The following ADGRD2 variants were observed in gnomAD, a reference collection of about 807,000 sequenced individuals.
ADGRD2 encodes G protein-coupled receptor PGR24.
Under a neutral mutation model 44.4 loss-of-function variants are expected in ADGRD2, and 71 were observed. The observed-to-expected ratio is 1.60, with a 90% CI of 1.32 to 1.95. The LOEUF (loss-of-function observed/expected upper bound fraction) is 1.95. ADGRD2 is among the 30% of genes most tolerant of loss of function. The pLI, the probability that ADGRD2 is intolerant of heterozygous loss-of-function variation, is 0.00. For missense variants in ADGRD2, 1,039 were observed against 512.4 expected, an observed-to-expected ratio of 2.03 and a Z score of -9.92; for synonymous variants, 481 against 224.8, an observed-to-expected ratio of 2.14 and a Z score of -10.19.
intron 21 of ADGRD2, chr9:124,477,171 G>A (rs1348133688): frequency 4.8e-6 from 2 of 417,594 alleles, no homozygotes; most frequent in Non-Finnish European, 9.8e-6. Flanking sequence ...CGGGTCACCA[G>A]CTGGACAGCT....
intron 6 of ADGRD2, 147 bp from the exon 10 acceptor site, chr9:124,456,475 C>G: frequency 1.6e-6 from 1 of 607,920 alleles, no homozygotes. Flanking sequence ...GGACCCAGGA[C>G]TTGATCCTAG....
chr9:124,461,740 ATTTGTTT>A (rs1831725617), intron 10 of ADGRD2, among the ~76,000 whole-genome samples: 3 of 144,266 alleles, frequency 2.1e-5, no homozygotes, highest in African/African-American at 7.8e-5. Flanking sequence ...TTTTTTTTTA[ATTTGTTT>A]TTTGTTTTTT....
rs776431357 is a variant in ADGRD2, at chr9:124,458,087, C to G, written c.1641-26C>G. ...GTGCTTGCCCAGCCACCGGGTGGTG[C>G]CTTGGTGCCCCTTCCTCTCAGCCAG... On this transcript the variant is annotated intron_variant, in intron 8 of 21. Transcript: ENST00000334810. 4.2e-6 allele frequency: 3 copies of G among 718,116 alleles called. No individual in the cohort carries two copies. In the South Asian group the frequency reaches 4.4e-5, roughly 11 times the overall value. The allele number at this position is 718,116 out of a possible 1,614,324, so 44.5% of individuals were successfully genotyped here.
At chr9:124,467,765 G>A in exon 12 of ADGRD2, 1 of 718,544 alleles carries the variant, frequency 1.4e-6, no homozygotes, top group Non-Finnish European at 2.6e-6. Context: ...TGTCATTTGT[G>A]GGCTGTGGCG....
intron 10 of ADGRD2, among the ~76,000 whole-genome samples, chr9:124,459,030 G>T (rs184772078): frequency 6.6e-6 from 1 of 152,284 alleles, no homozygotes; most frequent in East Asian, 1.9e-4. Flanking sequence ...TTCATTCTAC[G>T]TCTGCATAAC....
At chr9:124,459,045 A>C (rs1190252210) in intron 10 of ADGRD2, among the ~76,000 whole-genome samples, 1 of 152,186 alleles carries the variant, frequency 6.6e-6, no homozygotes, top group Non-Finnish European at 1.5e-5. Flanking sequence ...CATAACTTGA[A>C]AACCTGTTAG....
rs544689756 is a variant in ADGRD2 at position 124,477,197 on chromosome 9, G to C, written c.*18+488G>C. 4.4e-4 allele frequency: 172 copies of C among 389,402 alleles called. 1 individual carries two copies. The highest frequency in any genetic ancestry group is 2.6e-3 in the African/African-American group (126 of 48,164). The allele number at this position is 389,402 out of a possible 1,614,324, so 24.1% of individuals were successfully genotyped here. A position where few individuals can be genotyped will look rare whatever the true frequency, so the allele number is the denominator to read the frequency against. Reference sequence around the variant, plus strand: ...CTGGACAGCTGATGGGGGCATGACGGGGGCTGAGCAGTGGCAGGGTGGGTA... The same window carrying C: ...CTGGACAGCTGATGGGGGCATGACGCGGGCTGAGCAGTGGCAGGGTGGGTA... On this transcript the variant is annotated intron_variant, in intron 21 of 21. Transcript: ENST00000334810.
In ADGRD2 at chr9:124,460,388, A is replaced by ATATATT. The variant is rs33991643; in HGVS notation, c.1870+1668_1870+1669insATATTT. 2.7e-3 allele frequency among the ~76,000 whole-genome samples: 396 copies of ATATATT among 145,218 alleles called. 2 individuals carry two copies. In the East Asian group the frequency reaches 0.03, roughly 11 times the overall value. ...CAGCTAATTTTGTATATATATATAT[A>ATATATT]TTTTTTTTTAGTAGAGATGGGGTTT... On this transcript the variant is annotated intron_variant, in intron 10 of 21. Coordinates refer to ENST00000334810, the Ensembl canonical transcript of ADGRD2.
At chr9:124,452,004 T>A, upstream of ADGRD2, 21 of 114,452 alleles carry the variant, frequency 1.8e-4, no homozygotes, top group East Asian at 3.7e-4. Context: ...AATGCCCCCC[T>A]CCCACCCACC....
chr9:124,472,000 G>C (rs1831953271), intron 17 of ADGRD2, among the ~76,000 whole-genome samples: 1 of 152,226 alleles, frequency 6.6e-6, no homozygotes, highest in Non-Finnish European at 1.5e-5. Flanking sequence ...GGTGGGGCAG[G>C]TGGTGGCATC....
At chr9:124,461,406 A>C (rs1175235792) in intron 10 of ADGRD2, among the ~76,000 whole-genome samples, 1 of 152,248 alleles carries the variant, frequency 6.6e-6, no homozygotes, top group African/African-American at 2.4e-5. Flanking sequence ...GAAGTTTATC[A>C]CTTTAACTTT....
chr9:124,464,967 A>G (rs1278756239), intron 10 of ADGRD2, among the ~76,000 whole-genome samples: 2 of 152,188 alleles, frequency 1.3e-5, no homozygotes. Context: ...TCATCTTACC[A>G]GAGGCAGTGT....
At chr9:124,467,927 A>T (rs1000433063) in intron 12 of ADGRD2, 103 bp downstream of exon 15, 1 of 703,012 alleles carries the variant, frequency 1.4e-6, no homozygotes, top group Non-Finnish European at 2.7e-6. Flanking sequence ...TCCCAGCAGA[A>T]CCTTGGTCTG....
chr9:124,477,753 C>G (rs1238870676), intron 21 of ADGRD2, among the ~76,000 whole-genome samples: 7 of 152,130 alleles, frequency 4.6e-5, no homozygotes, highest in Non-Finnish European at 2.9e-5. Flanking sequence ...GGGCTGGAGG[C>G]GCCCCCCACA....
intron 10 of ADGRD2, among the ~76,000 whole-genome samples, chr9:124,461,949 G>T (rs962546285): frequency 1.3e-5 from 2 of 152,140 alleles, no homozygotes; most frequent in Non-Finnish European, 2.9e-5. Flanking sequence ...GTTTCACCAT[G>T]TTGGCCAGGC....
intron 16 of ADGRD2, 54 bp from the exon 20 acceptor site, chr9:124,470,440 C>T (rs1050285572): frequency 2.5e-5 from 17 of 687,698 alleles, no homozygotes; most frequent in African/African-American, 8.8e-5. Flanking sequence ...TGGAGCCCTG[C>T]GGGGAGCTCC....
intron 17 of ADGRD2, among the ~76,000 whole-genome samples, 171 bp from the exon 21 acceptor site, chr9:124,475,272 ACTC>A (rs1832022586): frequency 1.3e-5 from 2 of 151,924 alleles, no homozygotes; most frequent in Non-Finnish European, 2.9e-5. Context: ...TGCCACAGCT[ACTC>A]CTCCGCAGGC....
upstream of ADGRD2, chr9:124,451,276 T>C: frequency 2.1e-6 from 1 of 466,766 alleles, no homozygotes; most frequent in East Asian, 7.0e-5. Flanking sequence ...AAAGCCCACC[T>C]GGACCTGAGC....
chr9:124,475,360 G>C, intron 17 of ADGRD2, 86 bp from the exon 21 acceptor site: 1 of 660,530 alleles, frequency 1.5e-6, no homozygotes, highest in East Asian at 2.8e-5. Context: ...CTGCCACTGG[G>C]AGGCGCCGGG....
Sources: allele counts gnomAD v4.1 joint callset (sites outside exome capture counted in the v4.1 genomes callset), GRCh38; gene constraint gnomAD v4.1.1; transcripts MANE v1.5; gene names NCBI Gene and HGNC (gene_info 2026-07-23, HGNC 2026-07-21).